The following TMEM177 variants were observed in gnomAD, a reference collection of about 807,000 sequenced individuals.
TMEM177 encodes transmembrane protein 177.
In TMEM177, 4 loss-of-function variants were observed where a neutral mutation model predicts 14.2. The ratio of observed to expected loss-of-function variants is 0.28; its 90% CI spans 0.14 to 0.64. The LOEUF (loss-of-function observed/expected upper bound fraction) is 0.64. TMEM177 is among the 30% of genes least tolerant of loss of function. TMEM177 has a pLI of 0.82. For missense variants in TMEM177, 344 were observed against 405.2 expected (o/e 0.85, Z 1.30); for synonymous variants, 179 against 174.5 (o/e 1.03, Z -0.20).
chr2:119,717,970 TCTTCCCGGCTCCTG>T, the TMEM177 span, among the ~76,000 whole-genome samples: 3,100 of 152,190 alleles, frequency 0.02, 42 homozygotes, highest in Non-Finnish European at 0.032. Flanking sequence ...AGCTGATACC[TCTTCCCGGCTCCTG>T]CTTCCCGGTC....
At chr2:119,711,466 A>G in the TMEM177 span, among the ~76,000 whole-genome samples, 75 of 152,308 alleles carry the variant, frequency 4.9e-4, no homozygotes, top group African/African-American at 1.8e-3. Flanking sequence ...TAGGCAGTCA[A>G]TAAAACGAGG....
chr2:119,698,425 C>T, the TMEM177 span, among the ~76,000 whole-genome samples: 1 of 152,202 alleles, frequency 6.6e-6, no homozygotes, highest in East Asian at 1.9e-4. Context: ...AAGCACCATA[C>T]TTTGAGGTAT....
the TMEM177 span, among the ~76,000 whole-genome samples, chr2:119,705,376 C>T: frequency 2.6e-5 from 4 of 152,180 alleles, no homozygotes; most frequent in Non-Finnish European, 4.4e-5. Context: ...CCTGGGCACA[C>T]GCTGTTGAGT....
chr2:119,697,618 C>G, the TMEM177 span, among the ~76,000 whole-genome samples: 1 of 152,174 alleles, frequency 6.6e-6, no homozygotes, highest in Non-Finnish European at 1.5e-5. Flanking sequence ...TTCCCTCTGC[C>G]TAAAGCACTG....
In TMEM177 at chr2:119,680,849, C is replaced by T. The variant is rs60512404; in HGVS notation, c.-5C>T. 246 of 1,610,744 alleles carry T rather than the reference C, an allele frequency of 1.5e-4. No individual in the cohort carries two copies. In the African/African-American group the frequency reaches 2.9e-3, roughly 19 times the overall value. ...TGGCCCAGATTGTCCGCAGTGACTA[C>T]ACTCATGGCAGGTCCCCTGTGGCGG... is the stretch of plus-strand genomic sequence containing the variant. On this transcript the variant is annotated 5_prime_UTR_variant, in exon 2 of 2. Transcript: ENST00000272521.
chr2:119,722,649 G>T, the TMEM177 span, among the ~76,000 whole-genome samples: 1 of 152,194 alleles, frequency 6.6e-6, no homozygotes, highest in African/African-American at 2.4e-5. Context: ...ATAATTAAAT[G>T]CATAGTGTCT....
Position 119,680,732 on chromosome 2 carries a change from T to C in TMEM177, c.-22-100T>C, listed in dbSNP as rs1688872170. On this transcript the variant is annotated intron_variant, in intron 1 of 1. Transcript: ENST00000272521. ...GAGCCCACACTCTTCACCACTATGC[T>C]GTGTTACTTTGGTTTAAAAAGGTGG... 7.0e-6 allele frequency: 6 copies of C among 862,686 alleles called. No individual in the cohort carries two copies. The African/African-American group carries it at 8.5e-5, about 12-fold the overall frequency. 53.4% of individuals were successfully genotyped at this position (862,686 alleles called of 1,614,324 possible). A position where few individuals can be genotyped will look rare whatever the true frequency, so the allele number is the denominator to read the frequency against.
downstream of TMEM177, among the ~76,000 whole-genome samples, chr2:119,688,345 G>A (rs537013954): frequency 2.2e-3 from 330 of 152,196 alleles, 3 homozygotes; most frequent in Non-Finnish European, 3.5e-3. Flanking sequence ...ATATATTTAC[G>A]GTCACGCATC....
In TMEM177 at chr2:119,680,906, G is replaced by A. The variant is rs1233136014; in HGVS notation, c.53G>A (p.Gly18Asp). 3 of 1,614,236 alleles carry A rather than the reference G, an allele frequency of 1.9e-6. No homozygotes were observed. The highest frequency in any genetic ancestry group is 1.3e-5 in the African/African-American group (1 of 75,058). ...GCATTTGTGCAGAGACACAGGACAG[G>A]CCTCTTGGTGGGTTCCTGTGCAGGC... ...TAAFVQRHRTGLLVGSCAGLF... is the reference protein window; with the variant it reads ...TAAFVQRHRTDLLVGSCAGLF... Residue 18 changes from glycine (G) to aspartate (D), a missense_variant, in exon 2 of 2, where the codon GGC becomes GAC. By Grantham distance (94) the Gly-to-Asp change is moderately conservative (BLOSUM62 -1). Transcript: ENST00000272521.
the TMEM177 span, among the ~76,000 whole-genome samples, chr2:119,695,530 G>A: frequency 6.6e-6 from 1 of 152,206 alleles, no homozygotes; most frequent in Non-Finnish European, 1.5e-5. Flanking sequence ...TGACTGGTGA[G>A]TGGGTGGGGG....
rs1253277506 is a variant in TMEM177 at position 119,681,287 on chromosome 2, T to C, written c.434T>C (p.Leu145Ser). The C allele has an allele frequency of 5.6e-6, 9 of 1,614,128 alleles. No individual in the cohort carries two copies. The African/African-American group carries it at 1.1e-4, about 19-fold the overall frequency. The change falls in exon 2 of 2, where the codon TTG becomes TCG. Residue 145 changes from leucine (L) to serine (S), a missense_variant. Leu to Ser is a moderately radical substitution (Grantham distance 145). Transcript: ENST00000272521. The part of the protein sequence containing the change: ...AGARLRASLT[L>S]SREAQKFALA... ...GCCCGGCTGAGAGCTTCCCTGACCT[T>C]GTCCCGTGAAGCCCAGAAGTTCGCC...
chr2:119,715,535 T>C, the TMEM177 span, among the ~76,000 whole-genome samples: 1 of 151,990 alleles, frequency 6.6e-6, no homozygotes, highest in Non-Finnish European at 1.5e-5. Context: ...CGACTCAAGA[T>C]CCCCGCCTCT....
chr2:119,707,093 A>C, the TMEM177 span, among the ~76,000 whole-genome samples: 3 of 151,986 alleles, frequency 2.0e-5, no homozygotes, highest in East Asian at 5.8e-4. Flanking sequence ...TTGTATTTTT[A>C]GTAGAGACAG....
chr2:119,680,279 C>T (rs4849796), intron 1 of TMEM177, among the ~76,000 whole-genome samples: 149,499 of 152,306 alleles, frequency 0.98, 73,427 homozygotes, highest in South Asian at 1. Context: ...ACTGTCACTT[C>T]ACTAGCTTAG....
the TMEM177 span, among the ~76,000 whole-genome samples, chr2:119,712,377 C>T: frequency 1.3e-5 from 2 of 152,074 alleles, no homozygotes; most frequent in African/African-American, 4.8e-5. Context: ...CCTGAACCCC[C>T]AGTATCTCAA....
At chr2:119,700,614 C>T in the TMEM177 span, among the ~76,000 whole-genome samples, 1 of 152,164 alleles carries the variant, frequency 6.6e-6, no homozygotes, top group South Asian at 2.1e-4. Flanking sequence ...CACCCACCAT[C>T]GGGCCATGTT....
downstream of TMEM177, among the ~76,000 whole-genome samples, chr2:119,684,298 G>A (rs1189451816): frequency 1.3e-5 from 2 of 152,124 alleles, no homozygotes; most frequent in African/African-American, 4.8e-5. Context: ...CCTCCTGCTG[G>A]AATGCCCAGG....
downstream of TMEM177, among the ~76,000 whole-genome samples, chr2:119,683,023 C>T (rs1688942021): frequency 1.3e-5 from 2 of 152,194 alleles, no homozygotes; most frequent in Non-Finnish European, 2.9e-5. Context: ...GAGCCAGACC[C>T]AATTTGGCTT....
At chr2:119,689,404 G>A (rs1689062970), downstream of TMEM177, among the ~76,000 whole-genome samples, 1 of 152,210 alleles carries the variant, frequency 6.6e-6, no homozygotes, top group African/African-American at 2.4e-5. Context: ...TGGGATGGGA[G>A]GTAGTCAGGG....
Sources: gnomAD v4.1 joint callset for allele counts (sites outside exome capture counted in the v4.1 genomes callset) on GRCh38, gnomAD v4.1.1 for gene constraint, MANE v1.5 for transcripts, NCBI Gene and HGNC (gene_info 2026-07-23, HGNC 2026-07-21) for gene names.